WHRN: variants seen among roughly 807,000 people sequenced by gnomAD.
WHRN encodes whirlin.
Under a neutral mutation model 68.3 loss-of-function variants are expected in WHRN, and 41 were observed. The ratio of observed to expected loss-of-function variants is 0.60; its 90% CI spans 0.47 to 0.78. The LOEUF is 0.78. Among genes scored for constraint, WHRN ranks in the 30% least tolerant of loss-of-function variants. The probability of loss-of-function intolerance (pLI) is 0.00; values close to 1 mark genes in which losing one functional copy is unlikely to be tolerated. For synonymous variants in WHRN, 560 were observed against 561.3 expected, an observed-to-expected ratio of 1.00 and a Z score of 0.03; for missense variants, 1,243 against 1,244.7, an observed-to-expected ratio of 1.00 and a Z score of 0.02.
At chr9:114,456,929 G>C (rs1406365511) in intron 3 of WHRN, among the ~76,000 whole-genome samples, 1 of 152,042 alleles carries the variant, frequency 6.6e-6, no homozygotes, top group Admixed American at 6.6e-5. Flanking sequence ...TCTTACTCTG[G>C]GAAAAAGCTA....
intron 1 of WHRN, among the ~76,000 whole-genome samples, chr9:114,486,756 C>T (rs561629525): frequency 6.7e-6 from 1 of 149,112 alleles, no homozygotes; most frequent in East Asian, 2.0e-4. Flanking sequence ...AGCTCTGCCA[C>T]CTGCCAACAG....
intron 1 of WHRN, among the ~76,000 whole-genome samples, chr9:114,479,532 T>A (rs77895215): frequency 2.0e-5 from 3 of 152,200 alleles, no homozygotes; most frequent in African/African-American, 7.2e-5. Flanking sequence ...AGGTGTCATC[T>A]TGGGGACTCT....
At position 114,504,298 on chromosome 9, in the gene WHRN, C is replaced by T; in HGVS notation, c.504G>A (p.Val168=). 1 of 1,613,632 alleles carries T rather than the reference C, an allele frequency of 6.2e-7. No homozygotes were observed. Among genetic ancestry groups the T allele is most frequent in the Non-Finnish European group, 8.5e-7 (1 of 1,180,040 alleles). Reference sequence around the variant, plus strand: ...CTAGAGAGCCTGGTTCCACCAGAGACACGTAGATGCCCACGCCGTGCTCCG... The same window carrying T: ...CTAGAGAGCCTGGTTCCACCAGAGATACGTAGATGCCCACGCCGTGCTCCG... The part of the protein sequence containing the change: ...GGSEHGVGIY[V]SLVEPGSLAE... Residue 168 remains valine (V), a synonymous_variant, in exon 1 of 12, where the codon GTG becomes GTA. Transcript: ENST00000362057.
At chr9:114,490,746 GA>G (rs1235500928) in intron 1 of WHRN, among the ~76,000 whole-genome samples, 2 of 152,014 alleles carry the variant, frequency 1.3e-5, no homozygotes, top group Admixed American at 1.3e-4. Flanking sequence ...TGTGTGAAAA[GA>G]AAAAAACATA....
intron 3 of WHRN, among the ~76,000 whole-genome samples, chr9:114,443,234 G>A (rs1333827723): frequency 2.0e-5 from 3 of 152,210 alleles, no homozygotes; most frequent in Non-Finnish European, 4.4e-5. Context: ...ATTCTACACT[G>A]CTGGACCAAT....
rs1345863644 is a variant in WHRN, at chr9:114,426,509, C to T, written c.964-96G>A. The T allele has an allele frequency of 4.9e-6, 7 of 1,433,324 alleles. No homozygotes were observed. In the East Asian group the frequency reaches 1.6e-4, roughly 33 times the overall value. The allele number at this position is 1,433,324 out of a possible 1,614,324, so 88.8% of individuals were successfully genotyped here. On this transcript the variant is annotated intron_variant, in intron 3 of 11. Coordinates refer to ENST00000362057, the MANE Select transcript of WHRN (RefSeq NM_015404.4). ...AGATCCCAATTCTCCTCTGGGCCAG[C>T]CTGTCAAGGAGGTCATCCAGGATCA...
intron 1 of WHRN, among the ~76,000 whole-genome samples, chr9:114,482,938 G>A (rs925970499): frequency 3.3e-5 from 5 of 152,098 alleles, no homozygotes; most frequent in African/African-American, 4.8e-5. Flanking sequence ...GAAGCCCCAA[G>A]ATGGGAAGGG....
intron 9 of WHRN, among the ~76,000 whole-genome samples, chr9:114,404,683 A>C (rs894351156): frequency 1.3e-5 from 2 of 152,108 alleles, no homozygotes; most frequent in African/African-American, 4.8e-5. Context: ...TCAGGTTTGA[A>C]TTCCCACTGA....
intron 4 of WHRN, chr9:114,425,839 C>A (rs1208127290): frequency 5.8e-6 from 2 of 344,964 alleles, no homozygotes; most frequent in African/African-American, 2.1e-5. Flanking sequence ...GGCCTCTGGC[C>A]AAATACACCC....
intron 9 of WHRN, among the ~76,000 whole-genome samples, chr9:114,404,931 C>G (rs1200095379): frequency 6.6e-6 from 1 of 151,776 alleles, no homozygotes; most frequent in East Asian, 2.0e-4. Flanking sequence ...AGTGAAGCAG[C>G]GTGGGTTGAC....
At chr9:114,465,364 A>T (rs1840592132) in intron 3 of WHRN, among the ~76,000 whole-genome samples, 1 of 152,192 alleles carries the variant, frequency 6.6e-6, no homozygotes, top group Admixed American at 6.5e-5. Context: ...CAGACTAGGC[A>T]TCCATCTAGT....
chr9:114,467,555 G>T (rs529105286), intron 2 of WHRN, among the ~76,000 whole-genome samples: 1 of 152,212 alleles, frequency 6.6e-6, no homozygotes, highest in Admixed American at 6.5e-5. Context: ...AATATGGGAC[G>T]GCTCAAGTCA....
At chr9:114,490,184 A>G (rs1842868573) in intron 1 of WHRN, among the ~76,000 whole-genome samples, 1 of 152,216 alleles carries the variant, frequency 6.6e-6, no homozygotes, top group Non-Finnish European at 1.5e-5. Flanking sequence ...ACCACAGAGC[A>G]TTGGTGTGAA....
chr9:114,438,455 T>C (rs1021873186), intron 3 of WHRN, among the ~76,000 whole-genome samples: 10 of 137,292 alleles, frequency 7.3e-5, no homozygotes, highest in African/African-American at 2.8e-4. Flanking sequence ...CTTTTTTTTC[T>C]TTTTTTTTTT....
At chr9:114,492,617 G>A (rs1448376646) in intron 1 of WHRN, among the ~76,000 whole-genome samples, 1 of 152,140 alleles carries the variant, frequency 6.6e-6, no homozygotes. Flanking sequence ...GATTATTTCT[G>A]GCAGGTGAGT....
intron 3 of WHRN, among the ~76,000 whole-genome samples, chr9:114,429,080 A>G (rs1194399479): frequency 6.6e-6 from 1 of 152,014 alleles, no homozygotes; most frequent in Non-Finnish European, 1.5e-5. Flanking sequence ...ACAGGTGCAC[A>G]CCACCACGCC....
intron 1 of WHRN, among the ~76,000 whole-genome samples, chr9:114,493,464 C>T (rs10982255): frequency 0.39 from 58,986 of 151,512 alleles, 13,841 homozygotes; most frequent in East Asian, 0.58. Flanking sequence ...AAACAAAATG[C>T]CCCTTTAACT....
At chr9:114,460,656 G>T (rs1840170528) in intron 3 of WHRN, among the ~76,000 whole-genome samples, 2 of 152,276 alleles carry the variant, frequency 1.3e-5, no homozygotes, top group African/African-American at 4.8e-5. Flanking sequence ...CAGGGCAAAT[G>T]CTGAGAACCT....
At chr9:114,495,377 G>A (rs1263432512) in intron 1 of WHRN, among the ~76,000 whole-genome samples, 1 of 152,200 alleles carries the variant, frequency 6.6e-6, no homozygotes, top group African/African-American at 2.4e-5. Context: ...GGTGGCAATG[G>A]TGGTGACGGG....
Sources: gnomAD v4.1 joint callset for allele counts (sites outside exome capture counted in the v4.1 genomes callset) on GRCh38, gnomAD v4.1.1 for gene constraint, MANE v1.5 for transcripts, NCBI Gene and HGNC (gene_info 2026-07-23, HGNC 2026-07-21) for gene names.